Variants in NSD1 observed in about 807,000 individuals in gnomAD.
NSD1 encodes the protein histone-lysine N-methyltransferase, H3 lysine-36 specific.
In NSD1, 26 loss-of-function variants were observed where a neutral mutation model predicts 242.7. That is an observed-to-expected ratio of 0.11 (90% CI 0.08 to 0.15). NSD1 has a LOEUF of 0.15. Among genes scored for constraint, NSD1 ranks in the 10% least tolerant of loss-of-function variants. NSD1 has a pLI of 1.00. For missense variants in NSD1, 2,495 were observed against 3,272.8 expected, an observed-to-expected ratio of 0.76 and a Z score of 5.80; for synonymous variants, 1,106 against 1,178.1, an observed-to-expected ratio of 0.94 and a Z score of 1.25.
At chr5:177,197,308 T>C (rs1300972717) in intron 3 of NSD1, among the ~76,000 whole-genome samples, 2 of 149,638 alleles carry the variant, frequency 1.3e-5, no homozygotes, top group African/African-American at 4.9e-5. Flanking sequence ...AATTGGGTAT[T>C]GTAAGAGATC....
At chr5:177,237,914 C>T (rs911625677) in intron 6 of NSD1, among the ~76,000 whole-genome samples, 42 of 152,148 alleles carry the variant, frequency 2.8e-4, no homozygotes, top group Admixed American at 9.8e-4. Context: ...CCATCCATCT[C>T]GATAATTTTT....
In NSD1 at chr5:177,238,210, G is replaced by A. The variant is rs547338127; in HGVS notation, c.3922-27G>A. On this transcript the variant is annotated intron_variant, in intron 6 of 22. Coordinates refer to ENST00000439151, the MANE Select transcript of NSD1 (RefSeq NM_022455.5). This position sits in a 1 kb window ranked among gnomAD's most constrained non-coding sequence, Gnocchi z 4.6. ...TAAATTACAACAATTTTGGCCTGTGGACTCTATTTTTATTTTTTGTTCTTA... is the reference window on the plus strand; with the variant it reads ...TAAATTACAACAATTTTGGCCTGTGAACTCTATTTTTATTTTTTGTTCTTA... 6.2e-7 allele frequency: 1 copy of A among 1,613,846 alleles called. No homozygotes were observed. Among genetic ancestry groups the A allele is most frequent in the South Asian group, 1.1e-5 (1 of 91,034 alleles).
chr5:177,224,236 C>A (rs909097517), intron 5 of NSD1, among the ~76,000 whole-genome samples: 23 of 152,220 alleles, frequency 1.5e-4, no homozygotes, highest in African/African-American at 5.5e-4. Context: ...TGTGCTGAAT[C>A]TGTGGGGTAG....
At chr5:177,272,993 G>A (rs1758065095) in intron 16 of NSD1, among the ~76,000 whole-genome samples, 1 of 152,142 alleles carries the variant, frequency 6.6e-6, no homozygotes, top group Admixed American at 6.5e-5. Context: ...AGGCAAGAAG[G>A]AGAACAAAGC....
intron 3 of NSD1, among the ~76,000 whole-genome samples, chr5:177,194,683 A>T (rs1287964131): frequency 1.4e-5 from 2 of 144,598 alleles, no homozygotes; most frequent in Non-Finnish European, 3.0e-5. Flanking sequence ...AACCTTTATA[A>T]ATTTTAGTGT....
chr5:177,243,066 T>C (rs1270373699), intron 8 of NSD1, among the ~76,000 whole-genome samples: 1 of 152,242 alleles, frequency 6.6e-6, no homozygotes, highest in African/African-American at 2.4e-5. Context: ...GAAGTCATTT[T>C]AAGTTGGAAT....
At position 177,151,631 on chromosome 5, in the gene NSD1, T is replaced by G. The variant is rs1757705391; in HGVS notation, c.927+15601T>G. ...CTCGGACTCCCAACCTCTGGTGATC[T>G]GCCCGCCTCGGCTTCCCAAAGTGCT... is the stretch of plus-strand genomic sequence containing the variant. On this transcript the variant is annotated intron_variant, in intron 2 of 22. Transcript: ENST00000439151. Among the ~76,000 whole-genome samples, 3 of 151,298 alleles carry G rather than the reference T, an allele frequency of 2.0e-5. No homozygotes were observed. In the South Asian group the frequency reaches 6.3e-4, roughly 32 times the overall value.
chr5:177,164,744 G>A (rs1759044172), intron 2 of NSD1, among the ~76,000 whole-genome samples: 1 of 151,908 alleles, frequency 6.6e-6, no homozygotes, highest in South Asian at 2.1e-4. Flanking sequence ...AGAAGTTCAA[G>A]ACCAGCCTGG....
chr5:177,194,219 T>C (rs2149823940), intron 3 of NSD1, among the ~76,000 whole-genome samples: 1 of 152,268 alleles, frequency 6.6e-6, no homozygotes, highest in African/African-American at 2.4e-5. Context: ...AGCTTGCCTT[T>C]TCCACTTTGT....
At chr5:177,284,138 A>G (rs1759112320) in intron 20 of NSD1, among the ~76,000 whole-genome samples, 1 of 152,110 alleles carries the variant, frequency 6.6e-6, no homozygotes, top group Admixed American at 6.6e-5. Flanking sequence ...CCTACTAAAC[A>G]CTAAGTCCCC....
At chr5:177,245,821 T>C (rs1465546341) in intron 9 of NSD1, among the ~76,000 whole-genome samples, 1 of 151,872 alleles carries the variant, frequency 6.6e-6, no homozygotes, top group Non-Finnish European at 1.5e-5. Context: ...GTATTTTTAG[T>C]AGAGATAGGG....
At position 177,294,936 on chromosome 5, in the gene NSD1, C is replaced by T; in HGVS notation, c.7568C>T (p.Ser2523Leu). The T allele has an allele frequency of 6.2e-7, 1 of 1,614,204 alleles. No individual in the cohort carries two copies. The highest frequency in any genetic ancestry group is 8.5e-7 in the Non-Finnish European group (1 of 1,180,030). Residue 2523 changes from serine (S) to leucine (L), a missense_variant, in exon 23 of 23, where the codon TCA becomes TTA. Transcript: ENST00000439151. ...LQTSGKAAAP[S>L]EDPWQAVKSL... ...ACATCTGGGAAAGCAGCAGCCCCTT[C>T]AGAGGACCCCTGGCAAGCTGTTAAA... is the stretch of plus-strand genomic sequence containing the variant.
chr5:177,267,774 C>G (rs1187629262), intron 15 of NSD1, 56 bp downstream of exon 15: 2 of 1,516,262 alleles, frequency 1.3e-6, no homozygotes, highest in Non-Finnish European at 1.8e-6. Flanking sequence ...CTTGAGACCT[C>G]TCAGATACAA....
At position 177,185,413 on chromosome 5, in the gene NSD1, C is replaced by T. The variant is rs1360941747; in HGVS notation, c.928-6471C>T. 5.9e-5 allele frequency among the ~76,000 whole-genome samples: 9 copies of T among 151,618 alleles called. No homozygotes were observed. In the Admixed American group the frequency reaches 6.0e-4, roughly 10 times the overall value. On this transcript the variant is annotated intron_variant, in intron 2 of 22. Coordinates refer to ENST00000439151, the MANE Select transcript of NSD1 (RefSeq NM_022455.5). ...AGGAGTTCGAGACCAGCCTGGCCAA[C>T]ATGGTGAAACCCTGTCTCTCCTAAA...
intron 5 of NSD1, among the ~76,000 whole-genome samples, chr5:177,226,551 T>C (rs1222332439): frequency 3.9e-5 from 6 of 152,162 alleles, no homozygotes; most frequent in Non-Finnish European, 8.8e-5. Context: ...AACTCTTTCC[T>C]TCACTTGAGA....
chr5:177,228,157 G>A (rs978015228), intron 5 of NSD1, among the ~76,000 whole-genome samples: 5 of 152,038 alleles, frequency 3.3e-5, no homozygotes, highest in African/African-American at 1.2e-4. Flanking sequence ...AAAAATAGGT[G>A]AGTATAGTGC....
At chr5:177,184,531 GT>G (rs992289767) in intron 2 of NSD1, among the ~76,000 whole-genome samples, 35 of 150,920 alleles carry the variant, frequency 2.3e-4, no homozygotes, top group Non-Finnish European at 5.2e-4. Context: ...CTTGTTTTGG[GT>G]TTTTTTTTCT....
At chr5:177,273,902 A>T (rs946088462) in intron 17 of NSD1, 118 bp downstream of exon 17, 2 of 709,290 alleles carry the variant, frequency 2.8e-6, no homozygotes, top group Non-Finnish European at 5.0e-6. Context: ...TAGAGGTATG[A>T]GCTTAAAAGA....
At chr5:177,198,268 C>G (rs892962377) in intron 3 of NSD1, among the ~76,000 whole-genome samples, 1 of 152,166 alleles carries the variant, frequency 6.6e-6, no homozygotes, top group Non-Finnish European at 1.5e-5. Context: ...TTAAGTGATC[C>G]TCCCGCCTTG....
Sources: allele counts gnomAD v4.1 joint callset (sites outside exome capture counted in the v4.1 genomes callset), GRCh38; gene constraint gnomAD v4.1.1; non-coding constraint Gnocchi (gnomAD v3.1); transcripts MANE v1.5; gene names NCBI Gene and HGNC (gene_info 2026-07-23, HGNC 2026-07-21).